PIAS1: variants seen among roughly 807,000 people sequenced by gnomAD.
PIAS1 encodes protein inhibitor of activated STAT 1.
In PIAS1, 6 loss-of-function variants were observed where a neutral mutation model predicts 71.3. That is an observed-to-expected ratio of 0.08 (90% confidence interval 0.05 to 0.17). PIAS1 has a LOEUF of 0.17. Among genes scored for constraint, PIAS1 ranks in the 10% least tolerant of loss-of-function variants. PIAS1 has a pLI of 1.00. For synonymous variants in PIAS1, 303 were observed against 292.9 expected, an observed-to-expected ratio of 1.03 and a Z score of -0.35; for missense variants, 555 against 793.6, an observed-to-expected ratio of 0.70 and a Z score of 3.61.
At position 68,167,191 on chromosome 15, in the gene PIAS1, TTGTGTGTGTG is replaced by T. The variant is rs71725124; in HGVS notation, c.1008+2401_1008+2410del. Among the ~76,000 whole-genome samples, 8 of 149,470 alleles carry T rather than the reference TTGTGTGTGTG, an allele frequency of 5.4e-5. No homozygotes were observed. Among genetic ancestry groups the T allele is most frequent in the African/African-American group, 1.7e-4 (7 of 40,710 alleles). On this transcript the variant is annotated intron_variant, in intron 8 of 13. Coordinates refer to ENST00000249636, the MANE Select transcript of PIAS1 (RefSeq NM_016166.3). This position sits in a 1 kb window ranked among gnomAD's most constrained non-coding sequence, Gnocchi z 4.4. Reference sequence around the variant, plus strand: ...AAAACAAAACAACTATATATGTATATTGTGTGTGTGTGTGTGTGTGTGTATGTGTAAAATG... The same window carrying T: ...AAAACAAAACAACTATATATGTATATTGTGTGTGTGTGTATGTGTAAAATG...
At chr15:68,064,522 A>G (rs891509610) in intron 1 of PIAS1, among the ~76,000 whole-genome samples, 1 of 152,250 alleles carries the variant, frequency 6.6e-6, no homozygotes, top group Non-Finnish European at 1.5e-5. Flanking sequence ...AGATAGACCA[A>G]TGAATTTCAG....
chr15:68,153,503 G>A (rs2092863962), intron 6 of PIAS1, 87 bp from the exon 7 acceptor site: 1 of 642,664 alleles, frequency 1.6e-6, no homozygotes, highest in African/African-American at 1.8e-5. Context: ...AGAAGTGTTA[G>A]TTTTCTTTCC....
chr15:68,063,961 T>G (rs1460631559), intron 1 of PIAS1, among the ~76,000 whole-genome samples: 1 of 152,150 alleles, frequency 6.6e-6, no homozygotes, highest in Non-Finnish European at 1.5e-5. Flanking sequence ...GCAATAAAAC[T>G]TACTAATTTT....
At chr15:68,155,302 A>G (rs914759640) in intron 7 of PIAS1, among the ~76,000 whole-genome samples, 4 of 152,124 alleles carry the variant, frequency 2.6e-5, no homozygotes, top group African/African-American at 9.7e-5. Flanking sequence ...ATAATTGTAC[A>G]CTGGATGAGA....
rs1189451261 is a variant in PIAS1 at position 68,191,766 on chromosome 15, G to A, written c.*3931G>A. 2.6e-5 allele frequency: 4 copies of A among 152,196 alleles called. No homozygotes were observed. The highest frequency in any genetic ancestry group is 5.9e-5 in the Non-Finnish European group (4 of 68,038). The allele number at this position is 152,196 out of a possible 1,614,324, so 9.4% of individuals were successfully genotyped here. Reference sequence around the variant, plus strand: ...ACACTAGGTGCTAGAGAAACCAGCTGGAATTTCAGGAATGAGCTTGAAACC... The same window carrying A: ...ACACTAGGTGCTAGAGAAACCAGCTAGAATTTCAGGAATGAGCTTGAAACC... On this transcript the variant is annotated 3_prime_UTR_variant, in exon 14 of 14. Transcript: ENST00000249636.
At chr15:68,142,440 A>G (rs1405537411) in intron 4 of PIAS1, 103 bp downstream of exon 4, 60 of 888,310 alleles carry the variant, frequency 6.8e-5, no homozygotes, top group Non-Finnish European at 9.1e-5. Flanking sequence ...GATATATTCA[A>G]AGTTTAAAAG....
chr15:68,093,562 G>A (rs1345416934), intron 2 of PIAS1, among the ~76,000 whole-genome samples: 1 of 152,176 alleles, frequency 6.6e-6, no homozygotes, highest in African/African-American at 2.4e-5. Context: ...GAAATTAGAA[G>A]TTCATTTTCT....
At chr15:68,083,848 A>G (rs1245370129) in intron 1 of PIAS1, among the ~76,000 whole-genome samples, 3 of 152,058 alleles carry the variant, frequency 2.0e-5, no homozygotes, top group African/African-American at 4.8e-5. Context: ...TCTGGGCAAC[A>G]TAGCAAGACC....
At chr15:68,078,578 A>G (rs1190548436) in intron 1 of PIAS1, among the ~76,000 whole-genome samples, 1 of 152,172 alleles carries the variant, frequency 6.6e-6, no homozygotes, top group African/African-American at 2.4e-5. Context: ...GTCTCAGTGT[A>G]ACATATACTC....
rs1313521064 is a variant in PIAS1 at position 68,174,896 on chromosome 15, G to C, written c.1170-741G>C. Reference sequence around the variant, plus strand: ...TGTTTAATTTTTCAGAAATGTCGGTGATCACTTACTAGTAAATCAGAATTA... The same window carrying C: ...TGTTTAATTTTTCAGAAATGTCGGTCATCACTTACTAGTAAATCAGAATTA... On this transcript the variant is annotated intron_variant, in intron 9 of 13. Transcript: ENST00000249636. This position sits in a 1 kb window ranked among gnomAD's most constrained non-coding sequence, Gnocchi z 4.0. Among the ~76,000 whole-genome samples the C allele has an allele frequency of 1.3e-5, 2 of 152,138 alleles. No individual in the cohort carries two copies. The highest frequency in any genetic ancestry group is 1.3e-4 in the Admixed American group (2 of 15,284).
chr15:68,135,069 G>A (rs867132633), intron 2 of PIAS1, among the ~76,000 whole-genome samples: 5,328 of 41,382 alleles, frequency 0.13, 6 homozygotes, highest in African/African-American at 0.19. Flanking sequence ...CTCACCTCCC[G>A]GACGGGGTGG....
At chr15:68,116,224 G>T (rs1362546264) in intron 2 of PIAS1, among the ~76,000 whole-genome samples, 16 of 151,012 alleles carry the variant, frequency 1.1e-4, no homozygotes, top group African/African-American at 3.7e-4. Flanking sequence ...AATACACATG[G>T]GCCTAGAGTT....
chr15:68,073,972 A>T (rs2092129095), intron 1 of PIAS1, among the ~76,000 whole-genome samples: 1 of 152,172 alleles, frequency 6.6e-6, no homozygotes, highest in Non-Finnish European at 1.5e-5. Flanking sequence ...TGGTAAATAG[A>T]TTGGAGGTGA....
At chr15:68,123,412 G>C (rs754313007) in intron 2 of PIAS1, among the ~76,000 whole-genome samples, 1 of 152,074 alleles carries the variant, frequency 6.6e-6, no homozygotes, top group African/African-American at 2.4e-5. Context: ...AAAGTTATGA[G>C]TTTACTGTTC....
At position 68,167,084 on chromosome 15, in the gene PIAS1, C is replaced by T. The variant is rs1425769902; in HGVS notation, c.1008+2280C>T. Reference sequence around the variant, plus strand: ...TCAAGCAATCCTCCTGCCTTGGCCTCCCTTGGGATTACAGGCGTGAGCCAC... The same window carrying T: ...TCAAGCAATCCTCCTGCCTTGGCCTTCCTTGGGATTACAGGCGTGAGCCAC... On this transcript the variant is annotated intron_variant, in intron 8 of 13. Coordinates refer to ENST00000249636, the MANE Select transcript of PIAS1 (RefSeq NM_016166.3). The surrounding 1 kb of genome is among the most constrained non-coding windows in gnomAD (Gnocchi z 4.4). 6.6e-6 allele frequency among the ~76,000 whole-genome samples: 1 copy of T among 152,128 alleles called. No individual in the cohort carries two copies. The highest frequency in any genetic ancestry group is 1.5e-5 in the Non-Finnish European group (1 of 68,016).
At chr15:68,155,138 TAGCTATAGCACCACCTGG>T (rs1378370435) in intron 7 of PIAS1, among the ~76,000 whole-genome samples, 7 of 152,158 alleles carry the variant, frequency 4.6e-5, no homozygotes, top group Admixed American at 1.3e-4. Flanking sequence ...TCTCCGCTTG[TAGCTATAGCACCACCTGG>T]AGGGAGAGTG....
chr15:68,145,504 C>T (rs1320374016), intron 4 of PIAS1, among the ~76,000 whole-genome samples: 1 of 152,032 alleles, frequency 6.6e-6, no homozygotes, highest in Non-Finnish European at 1.5e-5. Flanking sequence ...ACTAACGAGT[C>T]TTTTTTTCTT....
intron 5 of PIAS1, 87 bp downstream of exon 5, chr15:68,145,993 C>T: frequency 1.2e-6 from 1 of 835,510 alleles, no homozygotes; most frequent in Non-Finnish European, 2.0e-6. Context: ...CATAGTTTTT[C>T]CTTAAGAAAA....
chr15:68,137,359 G>A (rs1035272941), intron 2 of PIAS1, among the ~76,000 whole-genome samples: 4 of 152,100 alleles, frequency 2.6e-5, no homozygotes, highest in Admixed American at 6.5e-5. Context: ...AATAGAGACT[G>A]CAATTGAAAA....
Sources: gnomAD v4.1 joint callset for allele counts (sites outside exome capture counted in the v4.1 genomes callset) on GRCh38, gnomAD v4.1.1 for gene constraint, Gnocchi (gnomAD v3.1) non-coding constraint, MANE v1.5 for transcripts, NCBI Gene and HGNC (gene_info 2026-07-23, HGNC 2026-07-21) for gene names.